THSD7A: variants seen among roughly 807,000 people sequenced by gnomAD.
The protein encoded by THSD7A is thrombospondin type 1 domain containing 7A.
A neutral mutation model predicts 231.3 loss-of-function variants in THSD7A; 96 were observed. The ratio of observed to expected loss-of-function variants is 0.41; its 90% CI spans 0.35 to 0.49. THSD7A has a LOEUF of 0.49. Among genes scored for constraint, THSD7A ranks in the 20% least tolerant of loss-of-function variants. The pLI is 0.05. For missense variants in THSD7A, 2,290 were observed against 2,070.2 expected (o/e 1.11, Z -2.06); for synonymous variants, 940 against 743.3 (o/e 1.26, Z -4.30).
chr7:11,481,833 T>C lies in THSD7A; in HGVS notation c.1972A>G (p.Lys658Glu), dbSNP rs746639625. 6.2e-7 allele frequency: 1 copy of C among 1,613,724 alleles called. No individual in the cohort carries two copies. The highest frequency in any genetic ancestry group is 1.1e-5 in the South Asian group (1 of 91,068). The change falls in exon 7 of 28, where the codon AAA (lysine) becomes GAA (glutamate). Residue 658 changes from lysine (K) to glutamate (E), a missense_variant. By Grantham distance (56) the Lys-to-Glu change is moderately conservative. Transcript: ENST00000423059. Reference protein sequence around the residue: ...HTCSGKTTEGKQIRARSILAY... With the variant: ...HTCSGKTTEGEQIRARSILAY... ...AGAATGGATCGTGCTCGTATCTGTT[T>C]CCCTTCTGTCGTTTTCCCTGAGCAG...
chr7:11,465,359 CTGTGA>C (rs1562631052), intron 9 of THSD7A, among the ~76,000 whole-genome samples: 1 of 151,962 alleles, frequency 6.6e-6, no homozygotes, highest in Non-Finnish European at 1.5e-5. Flanking sequence ...GGGCACCTGC[CTGTGA>C]CGTTTGTGCT....
Position 11,535,955 on chromosome 7 carries a change from T to C in THSD7A, c.1822+5464A>G, listed in dbSNP as rs145044372. On this transcript the variant is annotated intron_variant, in intron 6 of 27. Coordinates refer to ENST00000423059, the MANE Select transcript of THSD7A (RefSeq NM_015204.3). ...TTACAATGTCCTTGTTTATCATTAA[T>C]AAATGATAAAATATGGCACAAAAGG... Among the ~76,000 whole-genome samples the C allele has an allele frequency of 2.7e-3, 413 of 152,292 alleles. 1 individual carries two copies. Among genetic ancestry groups the C allele is most frequent in the African/African-American group, 9.5e-3 (393 of 41,566 alleles).
chr7:11,796,148 A>C (rs1784119530), intron 1 of THSD7A, among the ~76,000 whole-genome samples: 2 of 148,766 alleles, frequency 1.3e-5, no homozygotes, highest in South Asian at 2.1e-4. Context: ...ATTAATCTTC[A>C]TCGTCTCGTG....
intron 1 of THSD7A, among the ~76,000 whole-genome samples, chr7:11,783,484 C>T (rs2128175452): frequency 6.6e-6 from 1 of 152,196 alleles, no homozygotes; most frequent in East Asian, 1.9e-4. Flanking sequence ...ATATGTATAC[C>T]ATTTGGTCAT....
intron 1 of THSD7A, among the ~76,000 whole-genome samples, chr7:11,764,610 T>G (rs918032409): frequency 4.7e-5 from 7 of 150,352 alleles, no homozygotes; most frequent in Non-Finnish European, 8.9e-5. Flanking sequence ...AGAATGAAAC[T>G]ACAATTACCT....
chr7:11,510,480 A>G (rs1022193513), intron 6 of THSD7A, among the ~76,000 whole-genome samples: 2 of 152,166 alleles, frequency 1.3e-5, no homozygotes, highest in Non-Finnish European at 2.9e-5. Flanking sequence ...ACAAAAGAGA[A>G]TTTTAGACCA....
chr7:11,382,482 G>A, intron 24 of THSD7A, 39 bp downstream of exon 24: 1 of 1,486,678 alleles, frequency 6.7e-7, no homozygotes, highest in Non-Finnish European at 9.4e-7. Context: ...GTGTGTTACA[G>A]GAAGATTTTC....
chr7:11,687,119 A>G (rs1374579065), intron 1 of THSD7A, among the ~76,000 whole-genome samples: 1 of 151,902 alleles, frequency 6.6e-6, no homozygotes, highest in Non-Finnish European at 1.5e-5. Flanking sequence ...AGCTTTGACT[A>G]CTGAGTTTTT....
chr7:11,463,736 T>C (rs39186), intron 9 of THSD7A, among the ~76,000 whole-genome samples: 75,408 of 151,966 alleles, frequency 0.5, 19,123 homozygotes, highest in East Asian at 0.63. Context: ...CTTTTAATTG[T>C]AGCAGTAGTT....
chr7:11,656,750 A>T (rs532064410), intron 1 of THSD7A, among the ~76,000 whole-genome samples: 1 of 151,972 alleles, frequency 6.6e-6, no homozygotes, highest in Admixed American at 6.6e-5. Flanking sequence ...AGTCAGAATT[A>T]CTTCTCTCTT....
intron 1 of THSD7A, among the ~76,000 whole-genome samples, chr7:11,683,389 A>C (rs1783942792): frequency 6.6e-6 from 1 of 152,024 alleles, no homozygotes; most frequent in Non-Finnish European, 1.5e-5. Flanking sequence ...GAGCAGAACT[A>C]AATAACATTG....
chr7:11,403,110 G>C (rs1783463797), intron 22 of THSD7A, among the ~76,000 whole-genome samples: 3 of 152,110 alleles, frequency 2.0e-5, no homozygotes, highest in South Asian at 2.1e-4. Context: ...ATACTCTTCA[G>C]AGTACACAGT....
At chr7:11,668,196 G>A (rs995531566) in intron 1 of THSD7A, among the ~76,000 whole-genome samples, 1 of 152,092 alleles carries the variant, frequency 6.6e-6, no homozygotes, top group African/African-American at 2.4e-5. Flanking sequence ...AGGCCTACAA[G>A]GGTGGATCAC....
At chr7:11,638,293 T>G (rs1781948551) in intron 1 of THSD7A, among the ~76,000 whole-genome samples, 1 of 152,218 alleles carries the variant, frequency 6.6e-6, no homozygotes, top group Non-Finnish European at 1.5e-5. Context: ...TTCAAATATT[T>G]AATGAATAAC....
chr7:11,461,971 T>G, intron 10 of THSD7A, 40 bp downstream of exon 10: 1 of 1,600,086 alleles, frequency 6.2e-7, no homozygotes, highest in Non-Finnish European at 8.5e-7. Context: ...TTGACGTATT[T>G]GTTCAGCTCC....
chr7:11,511,874 GC>G (rs1312993475), intron 6 of THSD7A, among the ~76,000 whole-genome samples: 29 of 152,256 alleles, frequency 1.9e-4, no homozygotes, highest in African/African-American at 6.7e-4. Flanking sequence ...ATAGGCATGG[GC>G]AAGGACTTCA....
At chr7:11,624,131 T>C (rs943095479) in intron 2 of THSD7A, among the ~76,000 whole-genome samples, 1 of 152,096 alleles carries the variant, frequency 6.6e-6, no homozygotes. Flanking sequence ...CTGCCAATAT[T>C]GAATTTCCAC....
intron 1 of THSD7A, among the ~76,000 whole-genome samples, chr7:11,711,013 G>A (rs1054150805): frequency 6.6e-6 from 1 of 150,932 alleles, no homozygotes; most frequent in African/African-American, 2.4e-5. Flanking sequence ...CTATTAAATA[G>A]TTTTGAGTGA....
intron 6 of THSD7A, among the ~76,000 whole-genome samples, chr7:11,486,738 C>G (rs1292158079): frequency 1.3e-5 from 2 of 152,158 alleles, no homozygotes; most frequent in Non-Finnish European, 2.9e-5. Flanking sequence ...CATACATTTA[C>G]AAACATAAAT....
Sources: allele counts gnomAD v4.1 joint callset (sites outside exome capture counted in the v4.1 genomes callset), GRCh38; gene constraint gnomAD v4.1.1; transcripts MANE v1.5; gene names NCBI Gene and HGNC (gene_info 2026-07-23, HGNC 2026-07-21).